The following LARGE1 variants were observed in gnomAD, a reference collection of about 807,000 sequenced individuals.
LARGE1 encodes LARGE xylosyl- and glucuronyltransferase 1.
A neutral mutation model predicts 87.6 loss-of-function variants in LARGE1; 43 were observed. That is an observed-to-expected ratio of 0.49 (90% CI 0.38 to 0.63). The LOEUF is 0.63. Among genes scored for constraint, LARGE1 ranks in the 30% least tolerant of loss-of-function variants. The probability of loss-of-function intolerance (pLI) is 0.00; values close to 1 mark genes in which losing one functional copy is unlikely to be tolerated. For missense variants in LARGE1, 802 were observed against 1,000.2 expected (o/e 0.80, Z 2.67); for synonymous variants, 434 against 394.6 (o/e 1.10, Z -1.18).
the LARGE1 span, among the ~76,000 whole-genome samples, chr22:33,152,554 A>AT: frequency 6.6e-6 from 1 of 151,882 alleles, no homozygotes; most frequent in African/African-American, 2.4e-5. Context: ...CATTTTTTGG[A>AT]TTTTTTATTT....
chr22:33,288,151 G>T (rs1931885032), intron 12 of LARGE1, among the ~76,000 whole-genome samples: 1 of 152,176 alleles, frequency 6.6e-6, no homozygotes, highest in Non-Finnish European at 1.5e-5. Flanking sequence ...TCCAGACACT[G>T]CTGTGCAAGT....
At chr22:33,090,292 T>C in the LARGE1 span, among the ~76,000 whole-genome samples, 149 of 152,194 alleles carry the variant, frequency 9.8e-4, no homozygotes, top group African/African-American at 3.3e-3. Context: ...AGTTGGACAA[T>C]AAATAATAAT....
intron 6 of LARGE1, among the ~76,000 whole-genome samples, chr22:33,520,798 A>G (rs568607836): frequency 6.6e-6 from 1 of 152,324 alleles, no homozygotes; most frequent in African/African-American, 2.4e-5. Context: ...CCTTCAATGT[A>G]AAAAGAAAGC....
At chr22:33,825,135 T>C (rs950442392) in intron 1 of LARGE1, among the ~76,000 whole-genome samples, 1 of 152,220 alleles carries the variant, frequency 6.6e-6, no homozygotes, top group Non-Finnish European at 1.5e-5. Flanking sequence ...TCCCCCAGTT[T>C]GCTCTGCAGA....
intron 2 of LARGE1, among the ~76,000 whole-genome samples, chr22:33,736,278 T>C (rs2083653991): frequency 6.6e-6 from 1 of 152,232 alleles, no homozygotes; most frequent in Non-Finnish European, 1.5e-5. Context: ...AGGGTTCCGA[T>C]TTCTCCATAT....
intron 7 of LARGE1, among the ~76,000 whole-genome samples, chr22:33,425,536 C>T (rs1425754268): frequency 1.3e-5 from 2 of 152,160 alleles, no homozygotes; most frequent in East Asian, 1.9e-4. Flanking sequence ...TGAGAACCTA[C>T]AGTACAAAAG....
chr22:33,593,507 C>T (rs536975831), intron 5 of LARGE1, among the ~76,000 whole-genome samples: 26 of 152,248 alleles, frequency 1.7e-4, no homozygotes, highest in Non-Finnish European at 2.8e-4. Flanking sequence ...GAAGCTGAGG[C>T]GGGATTTTTA....
chr22:33,458,033 C>A (rs2068211712), intron 6 of LARGE1, among the ~76,000 whole-genome samples: 1 of 152,004 alleles, frequency 6.6e-6, no homozygotes, highest in South Asian at 2.1e-4. Flanking sequence ...GACTAGAGAC[C>A]ATATCTGTAA....
the LARGE1 span, among the ~76,000 whole-genome samples, chr22:33,142,486 T>C: frequency 6.6e-6 from 1 of 152,140 alleles, no homozygotes; most frequent in African/African-American, 2.4e-5. Context: ...CCCTTGGGCA[T>C]ATTTCCCTCT....
intron 3 of LARGE1, among the ~76,000 whole-genome samples, chr22:33,649,658 C>T (rs36104592): frequency 0.017 from 2,571 of 152,284 alleles, 34 homozygotes; most frequent in Middle Eastern, 0.044. Flanking sequence ...AATTCAGTCT[C>T]GCCCATCTCT....
At chr22:33,185,312 A>G (rs1371962874) in intron 11 of LARGE1, among the ~76,000 whole-genome samples, 2 of 152,208 alleles carry the variant, frequency 1.3e-5, no homozygotes. Flanking sequence ...AAAAAGCTAC[A>G]TACTGAATGA....
intron 7 of LARGE1, among the ~76,000 whole-genome samples, chr22:33,389,974 G>T (rs1374962131): frequency 6.6e-6 from 1 of 152,160 alleles, no homozygotes; most frequent in Admixed American, 6.5e-5. Context: ...TTTCAGGGTG[G>T]TCTTCAGAAC....
At chr22:33,368,820 AC>A (rs2064695369) in intron 9 of LARGE1, among the ~76,000 whole-genome samples, 1 of 152,204 alleles carries the variant, frequency 6.6e-6, no homozygotes, top group African/African-American at 2.4e-5. Context: ...TGTTAAGTGT[AC>A]AACAGCATTA....
At chr22:33,352,494 C>T (rs9621684) in intron 9 of LARGE1, among the ~76,000 whole-genome samples, 32,611 of 152,034 alleles carry the variant, frequency 0.21, 3,534 homozygotes, top group Admixed American at 0.27. Flanking sequence ...TGGCTCATGC[C>T]TGTAATCCCA....
chr22:33,542,499 A>G (rs2077241188), intron 6 of LARGE1, among the ~76,000 whole-genome samples: 1 of 151,496 alleles, frequency 6.6e-6, no homozygotes, highest in African/African-American at 2.4e-5. Context: ...GGAGAAAAAT[A>G]TATCGTAGAA....
At chr22:33,135,008 G>A in the LARGE1 span, among the ~76,000 whole-genome samples, 2 of 152,180 alleles carry the variant, frequency 1.3e-5, no homozygotes, top group Admixed American at 1.3e-4. Flanking sequence ...AAGAAAGGCA[G>A]CAAAAACTTT....
intron 1 of LARGE1, among the ~76,000 whole-genome samples, chr22:33,908,074 A>T (rs2065509323): frequency 6.6e-6 from 1 of 152,184 alleles, no homozygotes; most frequent in Non-Finnish European, 1.5e-5. Flanking sequence ...GCTAATTCAC[A>T]TCAACCCATC....
At position 33,560,532 on chromosome 22, in the gene LARGE1, C is replaced by T. The variant is rs182660882; in HGVS notation, c.787+4316G>A. On this transcript the variant is annotated intron_variant, in intron 6 of 14. Coordinates refer to ENST00000397394, the MANE Select transcript of LARGE1 (RefSeq NM_133642.5). ...CAGCACGGCCTTCTTCCAAAAGCTT[C>T]AGATTATGGGTGTGTATTTATTATT... Among the ~76,000 whole-genome samples the T allele has an allele frequency of 4.5e-3, 681 of 152,326 alleles. 4 individuals are homozygous for T. Among genetic ancestry groups the T allele is most frequent in the African/African-American group, 0.016 (655 of 41,584 alleles).
chr22:33,553,947 G>T (rs1466927113), intron 6 of LARGE1, among the ~76,000 whole-genome samples: 1 of 152,162 alleles, frequency 6.6e-6, no homozygotes, highest in Non-Finnish European at 1.5e-5. Flanking sequence ...AGAGGTCCAT[G>T]GAATCCTGGT....
Sources: allele counts gnomAD v4.1 joint callset (sites outside exome capture counted in the v4.1 genomes callset), GRCh38; gene constraint gnomAD v4.1.1; transcripts MANE v1.5; gene names NCBI Gene and HGNC (gene_info 2026-07-23, HGNC 2026-07-21).